Variants in ASB2 observed in about 807,000 individuals in gnomAD.
The protein encoded by ASB2 is ankyrin repeat and SOCS box containing 2.
In ASB2, 58 loss-of-function variants were observed where a neutral mutation model predicts 62.4. The ratio of observed to expected loss-of-function variants is 0.93; its 90% CI spans 0.75 to 1.16. The LOEUF (loss-of-function observed/expected upper bound fraction) is 1.16, where lower values mean the gene tolerates loss of function less well. Among genes scored for constraint, ASB2 ranks in the 50% most tolerant of loss-of-function variants. ASB2 has a pLI of 0.00. For synonymous variants in ASB2, 386 were observed against 385.3 expected, an observed-to-expected ratio of 1.00 and a Z score of -0.02; for missense variants, 928 against 887.9, an observed-to-expected ratio of 1.05 and a Z score of -0.57.
chr14:93,971,903 T>A (rs1165550983), intron 1 of ASB2, among the ~76,000 whole-genome samples: 1 of 151,402 alleles, frequency 6.6e-6, no homozygotes, highest in Non-Finnish European at 1.5e-5. Context: ...GAAGACTATG[T>A]GTGTGTGTGT....
intron 1 of ASB2, among the ~76,000 whole-genome samples, chr14:93,973,542 C>T (rs750018138): frequency 6.6e-6 from 1 of 152,158 alleles, no homozygotes; most frequent in African/African-American, 2.4e-5. Flanking sequence ...CGGCAGTGCC[C>T]ACACCACCAG....
rs2141263338 is a variant in ASB2 at position 93,934,680 on chromosome 14, G to A, written c.1884C>T (p.Tyr628=). The A allele has an allele frequency of 6.2e-7, 1 of 1,614,150 alleles. No individual in the cohort carries two copies. The highest frequency in any genetic ancestry group is 1.1e-5 in the South Asian group (1 of 91,086). The part of the protein sequence containing the change: ...TLPLPGRLIR[Y]LKYENTQ The stretch of plus-strand genomic sequence containing the variant: ...GTTACTGGGTGTTCTCGTATTTCAG[G>A]TATCTAATCAGCCTGCCTGGGAGCG... The change falls in exon 10 of 10, where the codon TAC becomes TAT. Residue 628 remains tyrosine (Y), a synonymous_variant. Coordinates refer to ENST00000555019, the MANE Select transcript of ASB2 (RefSeq NM_001202429.2).
Position 93,956,752 on chromosome 14 carries a change from C to A in ASB2, c.311+14G>T, listed in dbSNP as rs1325342275. ...GAACTTGGATGGTCCTGGGGCCAGA[C>A]AGGAGTCACTTACGCCAGCTGGGAG... On this transcript the variant is annotated intron_variant, in intron 3 of 9. Coordinates refer to ENST00000555019, the MANE Select transcript of ASB2 (RefSeq NM_001202429.2). 6.2e-7 allele frequency: 1 copy of A among 1,614,054 alleles called. No individual in the cohort carries two copies. Among genetic ancestry groups the A allele is most frequent in the South Asian group, 1.1e-5 (1 of 91,080 alleles).
Position 93,934,503 on chromosome 14 carries a change from A to C in ASB2, c.*153T>G. ...GCTCTGGCCAAAGCTCTGGGCCCTG[A>C]GACCCAGTGAGATCCTGGTAGCTGT... On this transcript the variant is annotated 3_prime_UTR_variant, in exon 10 of 10. Transcript: ENST00000555019. 2.9e-6 allele frequency: 2 copies of C among 686,284 alleles called. No individual in the cohort carries two copies. Among genetic ancestry groups the C allele is most frequent in the South Asian group, 3.7e-5 (2 of 54,736 alleles). The allele number at this position is 686,284 out of a possible 1,614,324, so 42.5% of individuals were successfully genotyped here.
At chr14:93,964,183 G>T in intron 2 of ASB2, 151 bp downstream of exon 2, 1 of 715,682 alleles carries the variant, frequency 1.4e-6, no homozygotes, top group Non-Finnish European at 2.4e-6. Context: ...GCCAGAGCTT[G>T]GTAAGTTCAG....
intron 4 of ASB2, 31 bp downstream of exon 4, chr14:93,954,286 C>G (rs1008231182): frequency 6.3e-7 from 1 of 1,598,402 alleles, no homozygotes; most frequent in Non-Finnish European, 8.5e-7. Flanking sequence ...CCCTTTCCCA[C>G]CTCTTGCCAC....
intron 5 of ASB2, among the ~76,000 whole-genome samples, chr14:93,951,767 T>C (rs2141292524): frequency 6.6e-6 from 1 of 152,322 alleles, no homozygotes; most frequent in South Asian, 2.1e-4. Context: ...AGAATCTTTC[T>C]AGATGAGGAG....
chr14:93,953,393 G>C lies in ASB2; in HGVS notation c.593C>G (p.Pro198Arg). 1 of 1,599,316 alleles carries C rather than the reference G, an allele frequency of 6.3e-7. No individual in the cohort carries two copies. Among genetic ancestry groups the C allele is most frequent in the Non-Finnish European group, 8.6e-7 (1 of 1,168,270 alleles). The change falls in exon 5 of 10, where the codon CCG becomes CGG. Residue 198 changes from proline (P) to arginine (R), a missense_variant. Physicochemically the swap from Pro to Arg is moderately radical, Grantham distance 103 (BLOSUM62 -2). Coordinates refer to ENST00000555019, the MANE Select transcript of ASB2 (RefSeq NM_001202429.2). Reference sequence around the variant, plus strand: ...CTCTCGGGATTTGTTGGAGATGTCCGGCTCTGCCCCTGCTTGGAGCAGTGA... The same window carrying C: ...CTCTCGGGATTTGTTGGAGATGTCCCGCTCTGCCCCTGCTTGGAGCAGTGA... ...LLSLLQAGAE[P>R]DISNKSRETP...
chr14:93,955,104 C>T (rs1317791235), intron 3 of ASB2: 1 of 456,668 alleles, frequency 2.2e-6, no homozygotes, highest in African/African-American at 2.0e-5. Flanking sequence ...ACTGAGCTCC[C>T]TACCTCATCC....
At position 93,934,662 on chromosome 14, in the gene ASB2, G is replaced by A; in HGVS notation, c.1902C>T (p.Thr634=). The A allele has an allele frequency of 6.2e-7, 1 of 1,614,106 alleles. No homozygotes were observed. The highest frequency in any genetic ancestry group is 1.1e-5 in the South Asian group (1 of 91,076). The part of the protein sequence containing the change: ...RLIRYLKYEN[T]Q ...TCTCTCCCCGTGGCCCCAGTTACTG[G>A]GTGTTCTCGTATTTCAGGTATCTAA... The change falls in exon 10 of 10, where the codon ACC becomes ACT. Residue 634 remains threonine (T), a synonymous_variant. Coordinates refer to ENST00000555019, the MANE Select transcript of ASB2 (RefSeq NM_001202429.2).
intron 5 of ASB2, among the ~76,000 whole-genome samples, 200 bp downstream of exon 5, chr14:93,953,152 C>T (rs1278288591): frequency 6.6e-6 from 1 of 152,244 alleles, no homozygotes; most frequent in Non-Finnish European, 1.5e-5. Flanking sequence ...CCTCAGTGTC[C>T]CTCAGCATCC....
chr14:93,950,197 C>T (rs1943958416), intron 6 of ASB2, among the ~76,000 whole-genome samples: 1 of 152,216 alleles, frequency 6.6e-6, no homozygotes, highest in South Asian at 2.1e-4. Flanking sequence ...TCAACAGATT[C>T]CTACAGTTCA....
rs138741822 is a variant in ASB2, at chr14:93,975,656, C to T, written c.-74+778G>A. 1.5e-3 allele frequency among the ~76,000 whole-genome samples: 233 copies of T among 152,338 alleles called. 1 individual carries two copies. Among genetic ancestry groups the T allele is most frequent in the East Asian group, 0.011 (55 of 5,182 alleles). ...TGGCCTCCCCTTCTAGCCTCACCCC[C>T]ATTTTTCACATGCAGAACCCTTTGC... On this transcript the variant is annotated intron_variant, in intron 1 of 9. Transcript: ENST00000555019.
intron 7 of ASB2, chr14:93,943,887 A>G (rs184925907): frequency 3.1e-4 from 139 of 454,866 alleles, no homozygotes; most frequent in African/African-American, 2.4e-3. Flanking sequence ...GCCTTATTCT[A>G]GGAAGAATTT....
chr14:93,952,613 CCT>C (rs1311194368), intron 5 of ASB2, among the ~76,000 whole-genome samples: 1 of 152,214 alleles, frequency 6.6e-6, no homozygotes, highest in Non-Finnish European at 1.5e-5. Context: ...CATCCACCTC[CCT>C]GAGTTTAAAC....
At chr14:93,971,059 G>A (rs1314834404) in intron 1 of ASB2, among the ~76,000 whole-genome samples, 2 of 152,196 alleles carry the variant, frequency 1.3e-5, no homozygotes, top group African/African-American at 4.8e-5. Context: ...GTGCCCAGCT[G>A]GCGGTTCTCT....
In ASB2 at chr14:93,934,594, C is replaced by T. The variant is rs1344893691; in HGVS notation, c.*62G>A. 12 of 1,573,226 alleles carry T rather than the reference C, an allele frequency of 7.6e-6. No homozygotes were observed. Among genetic ancestry groups the T allele is most frequent in the African/African-American group, 2.7e-5 (2 of 73,992 alleles). The stretch of plus-strand genomic sequence containing the variant: ...CAGGTCCCCTTGGAGTTGGGAACAC[C>T]GACGTCCTGAGACTTAGTAAGAAGA... On this transcript the variant is annotated 3_prime_UTR_variant, in exon 10 of 10. Transcript: ENST00000555019.
intron 6 of ASB2, among the ~76,000 whole-genome samples, chr14:93,949,962 G>A (rs1689521357): frequency 1.3e-5 from 2 of 152,146 alleles, no homozygotes; most frequent in Non-Finnish European, 2.9e-5. Context: ...GCAGAGTCCC[G>A]TGCTGCCGAC....
chr14:93,938,503 G>A (rs565360134), intron 8 of ASB2, among the ~76,000 whole-genome samples: 10 of 152,268 alleles, frequency 6.6e-5, no homozygotes, highest in South Asian at 2.1e-4. Context: ...GCCTCCCAAA[G>A]TGTTGGGATT....
Sources: allele counts gnomAD v4.1 joint callset (sites outside exome capture counted in the v4.1 genomes callset), GRCh38; gene constraint gnomAD v4.1.1; transcripts MANE v1.5; gene names NCBI Gene and HGNC (gene_info 2026-07-23, HGNC 2026-07-21).